NTN1: variants seen among roughly 807,000 people sequenced by gnomAD.
NTN1 encodes netrin 1, also known as netrin-1.
Under a neutral mutation model 54.2 loss-of-function variants are expected in NTN1, and 11 were observed. The observed-to-expected ratio is 0.20, with a 90% CI of 0.13 to 0.34. The LOEUF is 0.34. NTN1 is among the 10% of genes least tolerant of loss of function. NTN1 has a pLI of 1.00. For synonymous variants in NTN1, 371 were observed against 382.0 expected (o/e 0.97, Z 0.33); for missense variants, 740 against 893.1 (o/e 0.83, Z 2.18).
chr17:9,170,189 C>T (rs1339890884), intron 3 of NTN1, among the ~76,000 whole-genome samples: 1 of 152,180 alleles, frequency 6.6e-6, no homozygotes, highest in Non-Finnish European at 1.5e-5. Flanking sequence ...GTAGCCTCAG[C>T]TTTCTTATCT....
chr17:9,096,582 A>G (rs2092132827), intron 2 of NTN1, among the ~76,000 whole-genome samples: 1 of 152,018 alleles, frequency 6.6e-6, no homozygotes, highest in Admixed American at 6.6e-5. Context: ...CGTGTTAGCC[A>G]GGATGGTCTC....
At chr17:9,033,186 T>G (rs1338542251) in intron 2 of NTN1, among the ~76,000 whole-genome samples, 1 of 152,058 alleles carries the variant, frequency 6.6e-6, no homozygotes, top group African/African-American at 2.4e-5. Context: ...ACTCCTGACC[T>G]TAGGTGATCC....
the NTN1 span, among the ~76,000 whole-genome samples, chr17:9,005,620 C>A: frequency 0.016 from 2,505 of 152,322 alleles, 56 homozygotes; most frequent in African/African-American, 0.056. Context: ...GCAGGCCCTT[C>A]TCTCCCAGGA....
intron 5 of NTN1, among the ~76,000 whole-genome samples, chr17:9,196,602 G>C (rs566545133): frequency 8.5e-5 from 13 of 152,254 alleles, no homozygotes; most frequent in Non-Finnish European, 1.8e-4. Flanking sequence ...ATCCAGGGCA[G>C]GGCTTCAGGC....
intron 2 of NTN1, among the ~76,000 whole-genome samples, chr17:9,131,623 C>A (rs1268183741): frequency 4.6e-5 from 7 of 150,952 alleles, no homozygotes; most frequent in African/African-American, 1.7e-4. Flanking sequence ...CTCTGTTGCC[C>A]AGGCTACTAT....
chr17:9,236,635 C>T (rs1270022625), intron 6 of NTN1, among the ~76,000 whole-genome samples: 1 of 152,208 alleles, frequency 6.6e-6, no homozygotes, highest in Non-Finnish European at 1.5e-5. Flanking sequence ...CCTGGAGTTG[C>T]TGAGATCTGC....
chr17:9,148,455 C>T (rs2092319646), intron 2 of NTN1, among the ~76,000 whole-genome samples: 2 of 152,090 alleles, frequency 1.3e-5, no homozygotes, highest in South Asian at 2.1e-4. Flanking sequence ...AAAACCGTTG[C>T]GTGAAATCGT....
At chr17:9,101,139 TA>T (rs1214480706) in intron 2 of NTN1, among the ~76,000 whole-genome samples, 4 of 152,258 alleles carry the variant, frequency 2.6e-5, no homozygotes, top group Non-Finnish European at 5.9e-5. Flanking sequence ...TAGTTATGTT[TA>T]TGTAGACTGT....
At chr17:9,025,940 C>T (rs998142067) in intron 2 of NTN1, among the ~76,000 whole-genome samples, 11 of 152,160 alleles carry the variant, frequency 7.2e-5, no homozygotes, top group African/African-American at 1.9e-4. Flanking sequence ...TCTCTTCTTG[C>T]GAATTTCACG....
chr17:9,175,996 GCGGCTTC>G (rs1454034350), intron 3 of NTN1: 1 of 152,236 alleles, frequency 6.6e-6, no homozygotes, highest in Non-Finnish European at 1.5e-5. Context: ...GAGCCACCCA[GCGGCTTC>G]CTATGGCGGA....
chr17:9,196,114 G>C (rs1404370703), intron 5 of NTN1, among the ~76,000 whole-genome samples: 2 of 152,160 alleles, frequency 1.3e-5, no homozygotes, highest in Non-Finnish European at 1.5e-5. Flanking sequence ...CCCATCTGCT[G>C]TCCTCCCCTG....
intron 2 of NTN1, among the ~76,000 whole-genome samples, chr17:9,091,537 T>G (rs1337413341): frequency 6.7e-6 from 1 of 148,740 alleles, no homozygotes; most frequent in Non-Finnish European, 1.5e-5. Context: ...CACTGCAACA[T>G]TTGCCTCACG....
intron 2 of NTN1, among the ~76,000 whole-genome samples, chr17:9,031,811 A>G (rs74756264): frequency 0.059 from 9,009 of 152,032 alleles, 423 homozygotes; most frequent in African/African-American, 0.13. Context: ...AAACAAAAAA[A>G]ACTAGCCTGG....
chr17:9,221,347 G>A lies in NTN1; in HGVS notation c.1486+105G>A, dbSNP rs1905348024. ...GCCCCCGATGGGTGTTGGTCGTGAAGACCCTGTGACCGATGGGAACTAGCC... is the reference window on the plus strand; with the variant it reads ...GCCCCCGATGGGTGTTGGTCGTGAAAACCCTGTGACCGATGGGAACTAGCC... On this transcript the variant is annotated intron_variant, in intron 6 of 6. Coordinates refer to ENST00000173229, the MANE Select transcript of NTN1 (RefSeq NM_004822.3). The surrounding 1 kb of genome is among the most constrained non-coding windows in gnomAD (Gnocchi z 4.5). The A allele has an allele frequency of 2.4e-6, 2 of 836,762 alleles. No homozygotes were observed. The highest frequency in any genetic ancestry group is 1.8e-5 in the Admixed American group (1 of 57,098). The allele number at this position is 836,762 out of a possible 1,614,324, so 51.8% of individuals were successfully genotyped here. A position where few individuals can be genotyped will look rare whatever the true frequency, so the allele number is the denominator to read the frequency against.
At chr17:9,195,392 TG>T (rs1904604631) in intron 5 of NTN1, among the ~76,000 whole-genome samples, 1 of 152,166 alleles carries the variant, frequency 6.6e-6, no homozygotes, top group African/African-American at 2.4e-5. Context: ...TAGCCCTTCT[TG>T]GGAGCTCTTC....
chr17:9,072,931 T>C (rs768896564), intron 2 of NTN1, among the ~76,000 whole-genome samples: 7 of 152,198 alleles, frequency 4.6e-5, no homozygotes, highest in Non-Finnish European at 8.8e-5. Flanking sequence ...ACTTTTTTCT[T>C]CCTCTTTCCT....
At chr17:9,078,671 T>G (rs553484761) in intron 2 of NTN1, among the ~76,000 whole-genome samples, 2 of 152,336 alleles carry the variant, frequency 1.3e-5, no homozygotes, top group Non-Finnish European at 2.9e-5. Flanking sequence ...CTGGGCAACC[T>G]GCAATGGCAA....
chr17:9,207,550 C>T (rs957557065), intron 5 of NTN1, among the ~76,000 whole-genome samples: 1 of 152,196 alleles, frequency 6.6e-6, no homozygotes, highest in African/African-American at 2.4e-5. Flanking sequence ...TGTCCAAGGA[C>T]ACACAGCTTT....
chr17:9,169,990 A>G (rs1160645536), intron 3 of NTN1, among the ~76,000 whole-genome samples: 5 of 152,230 alleles, frequency 3.3e-5, no homozygotes, highest in Non-Finnish European at 7.3e-5. Flanking sequence ...CAGAGCGTTA[A>G]GGGCATTTTA....
Sources: allele counts gnomAD v4.1 joint callset (sites outside exome capture counted in the v4.1 genomes callset), GRCh38; gene constraint gnomAD v4.1.1; non-coding constraint Gnocchi (gnomAD v3.1); transcripts MANE v1.5; gene names NCBI Gene and HGNC (gene_info 2026-07-23, HGNC 2026-07-21).